The following HDAC9 variants were observed in gnomAD, a reference collection of about 807,000 sequenced individuals.
HDAC9 encodes the protein histone deacetylase 9, also known as MEF-2 interacting transcription repressor (MITR) protein.
In HDAC9, 41 loss-of-function variants were observed where a neutral mutation model predicts 139.4. The observed-to-expected ratio is 0.29, with a 90% CI of 0.23 to 0.38. HDAC9 has a LOEUF of 0.38. Ranked by LOEUF, HDAC9 falls within the 10% of genes least tolerant of loss-of-function variation. HDAC9 has a pLI of 1.00. For missense variants in HDAC9, 1,147 were observed against 1,297.0 expected, an observed-to-expected ratio of 0.88 and a Z score of 1.78; for synonymous variants, 517 against 476.2, an observed-to-expected ratio of 1.09 and a Z score of -1.12.
At chr7:18,694,428 C>T (rs368931249) in intron 12 of HDAC9, among the ~76,000 whole-genome samples, 5 of 152,072 alleles carry the variant, frequency 3.3e-5, no homozygotes, top group African/African-American at 9.7e-5. Flanking sequence ...CTCTTCTTAA[C>T]GTAATGAGAT....
At chr7:18,139,816 G>A (rs1368974723) in intron 1 of HDAC9, among the ~76,000 whole-genome samples, 1 of 152,156 alleles carries the variant, frequency 6.6e-6, no homozygotes, top group Non-Finnish European at 1.5e-5. Context: ...AGGGAAGAAG[G>A]CAATGCGATC....
rs770898693 is a variant in HDAC9, at chr7:18,644,673, A to G, written c.915A>G (p.Gln305=). 2 of 1,608,066 alleles carry G rather than the reference A, an allele frequency of 1.2e-6. No individual in the cohort carries two copies. The highest frequency in any genetic ancestry group is 8.5e-7 in the Non-Finnish European group (1 of 1,177,222). ...SVLPPTPHAE[Q]MVSQQRILIH... ...AGACTCTCCTCTTTTTTTAACAGCA[A>G]ATGGTTTCACAGCAACGCATTCTAA... Residue 305 remains glutamine (Q), a splice_region_variant and synonymous_variant, in exon 9 of 26, where the codon CAA becomes CAG. Coordinates refer to ENST00000686413, the MANE Select transcript of HDAC9 (RefSeq NM_178425.4).
intron 2 of HDAC9, among the ~76,000 whole-genome samples, chr7:18,533,644 T>G (rs931954975): frequency 6.6e-6 from 1 of 152,180 alleles, no homozygotes; most frequent in South Asian, 2.1e-4. Context: ...CAGTGTATCT[T>G]ACCTTATTCA....
intron 6 of HDAC9, among the ~76,000 whole-genome samples, chr7:18,606,149 C>A (rs1446921368): frequency 2.0e-5 from 3 of 152,178 alleles, no homozygotes; most frequent in African/African-American, 4.8e-5. Flanking sequence ...TTTCCTATTT[C>A]TCCAGATTTT....
intron 1 of HDAC9, among the ~76,000 whole-genome samples, chr7:18,130,305 G>T (rs1009333116): frequency 6.6e-6 from 1 of 152,002 alleles, no homozygotes; most frequent in African/African-American, 2.4e-5. Context: ...CTGTATAAAG[G>T]CCCTGAGGTA....
chr7:18,727,600 C>G lies in HDAC9; in HGVS notation c.1752C>G (p.His584Gln). ...AACAGCCTTTCCTGGAACCCACGCA[C>G]ACACGTGCGCTCTCTGTGCGCCAAG... ...FMQQPFLEPT[H>Q]TRALSVRQAP... The change falls in exon 13 of 26, where the codon CAC becomes CAG. Residue 584 changes from histidine to glutamine, a missense_variant. Coordinates refer to ENST00000686413, the MANE Select transcript of HDAC9 (RefSeq NM_178425.4). 1.3e-6 allele frequency: 2 copies of G among 1,595,444 alleles called. No individual in the cohort carries two copies. The highest frequency in any genetic ancestry group is 1.1e-5 in the South Asian group (1 of 87,452).
intron 12 of HDAC9, among the ~76,000 whole-genome samples, chr7:18,717,829 A>C (rs1305864858): frequency 6.6e-6 from 1 of 152,228 alleles, no homozygotes; most frequent in East Asian, 1.9e-4. Context: ...TAAATATGTG[A>C]TATGTTACAA....
Position 18,912,062 on chromosome 7 carries a change from C to T in HDAC9, c.2804-23747C>T, listed in dbSNP as rs112171921. On this transcript the variant is annotated intron_variant, in intron 22 of 25. Coordinates refer to ENST00000686413, the MANE Select transcript of HDAC9 (RefSeq NM_178425.4). ...GTGTGGATTTTCTATCTAGATAATC[C>T]GTTCAATGCTAAGAGTGGGGTATTG... Among the ~76,000 whole-genome samples, 62 of 151,938 alleles carry T rather than the reference C, an allele frequency of 4.1e-4. No individual in the cohort carries two copies. The South Asian group carries it at 7.1e-3, about 17-fold the overall frequency.
At chr7:18,824,085 A>G (rs993167626) in intron 17 of HDAC9, among the ~76,000 whole-genome samples, 2 of 148,018 alleles carry the variant, frequency 1.4e-5, no homozygotes, top group African/African-American at 5.1e-5. Context: ...GAAGAAGAAG[A>G]AGAACAAGAA....
At chr7:18,948,687 A>T (rs577135542) in intron 23 of HDAC9, among the ~76,000 whole-genome samples, 1 of 152,244 alleles carries the variant, frequency 6.6e-6, no homozygotes, top group East Asian at 1.9e-4. Context: ...AACATTCCAT[A>T]CATACTTAAA....
intron 1 of HDAC9, among the ~76,000 whole-genome samples, chr7:18,349,919 A>G (rs1782724657): frequency 6.6e-6 from 1 of 152,140 alleles, no homozygotes; most frequent in Non-Finnish European, 1.5e-5. Flanking sequence ...ATATGTGAGA[A>G]TTAGGTATTA....
intron 6 of HDAC9, among the ~76,000 whole-genome samples, chr7:18,609,194 T>C (rs1354596284): frequency 1.3e-5 from 2 of 152,158 alleles, no homozygotes; most frequent in Non-Finnish European, 2.9e-5. Flanking sequence ...CACTGCCAAA[T>C]ATAATTTGAT....
At chr7:18,487,301 A>G (rs1296234135) in intron 1 of HDAC9, among the ~76,000 whole-genome samples, 2 of 152,078 alleles carry the variant, frequency 1.3e-5, no homozygotes, top group African/African-American at 4.8e-5. Flanking sequence ...GTAAAATGAA[A>G]AAGAATTTCC....
intron 1 of HDAC9, among the ~76,000 whole-genome samples, chr7:18,100,702 A>G (rs975840653): frequency 1.3e-5 from 2 of 152,122 alleles, no homozygotes; most frequent in East Asian, 3.8e-4. Context: ...TGCAAATTCT[A>G]ATGTCTTTTT....
intron 2 of HDAC9, among the ~76,000 whole-genome samples, chr7:18,167,762 C>G (rs147039249): frequency 1.0e-3 from 159 of 152,228 alleles, no homozygotes; most frequent in African/African-American, 3.8e-3. Context: ...GTGGCCATAC[C>G]TAACTACAAA....
intron 12 of HDAC9, among the ~76,000 whole-genome samples, chr7:18,700,960 T>C (rs955800256): frequency 1.5e-4 from 23 of 152,188 alleles, no homozygotes; most frequent in Admixed American, 3.9e-4. Flanking sequence ...AGCTTGTGTG[T>C]AGAGAGGAAT....
intron 23 of HDAC9, chr7:18,949,893 T>G (rs1009340191): frequency 6.6e-6 from 1 of 151,828 alleles, no homozygotes; most frequent in African/African-American, 2.4e-5. Context: ...ATATACGTAT[T>G]TTATATATAT....
At chr7:18,289,547 G>C (rs1005786613), upstream of HDAC9, among the ~76,000 whole-genome samples, 1 of 152,168 alleles carries the variant, frequency 6.6e-6, no homozygotes, top group African/African-American at 2.4e-5. Context: ...GCAAGAGCTA[G>C]TGAGGCTTCA....
chr7:18,909,891 A>G (rs1362731263), intron 22 of HDAC9, among the ~76,000 whole-genome samples: 2 of 151,898 alleles, frequency 1.3e-5, no homozygotes, highest in Non-Finnish European at 2.9e-5. Context: ...AGGTAGTTTG[A>G]TGCTTTTAGC....
Sources: allele counts gnomAD v4.1 joint callset (sites outside exome capture counted in the v4.1 genomes callset), GRCh38; gene constraint gnomAD v4.1.1; transcripts MANE v1.5; gene names NCBI Gene and HGNC (gene_info 2026-07-23, HGNC 2026-07-21).